The following TTLL6 variants were observed in gnomAD, a reference collection of about 807,000 sequenced individuals.
TTLL6 encodes tubulin polyglutamylase TTLL6.
In TTLL6, 75 loss-of-function variants were observed where a neutral mutation model predicts 96.4. That is an observed-to-expected ratio of 0.78 (90% CI 0.65 to 0.94). TTLL6 has a LOEUF of 0.94. Ranked by LOEUF, TTLL6 falls within the 40% of genes least tolerant of loss-of-function variation. The pLI, the probability that TTLL6 is intolerant of heterozygous loss-of-function variation, is 0.00. For missense variants in TTLL6, 1,030 were observed against 1,093.0 expected (o/e 0.94, Z 0.81); for synonymous variants, 411 against 419.4 (o/e 0.98, Z 0.24).
rs1467137363 is a variant in TTLL6 at position 48,796,062 on chromosome 17, T to G, written c.997A>C (p.Arg333=). 2.6e-6 allele frequency: 4 copies of G among 1,550,854 alleles called. No homozygotes were observed. The highest frequency in any genetic ancestry group is 3.5e-6 in the Non-Finnish European group (4 of 1,146,480). ...AGAAAAATGAAGCCTCTTCCTTACC[T>G]CTTACTGCCAGAGTGTGCATCTCGA... is the stretch of plus-strand genomic sequence containing the variant. The part of the protein sequence containing the change: ...FSRDAHSGSK[R]KLSTFSAYLE... Residue 333 remains arginine, a splice_region_variant and synonymous_variant, in exon 8 of 16, where the codon AGG becomes CGG. Coordinates refer to ENST00000393382, the MANE Select transcript of TTLL6 (RefSeq NM_001130918.3).
intron 13 of TTLL6, among the ~76,000 whole-genome samples, chr17:48,781,698 C>G (rs1567720767): frequency 6.6e-6 from 1 of 152,102 alleles, no homozygotes; most frequent in East Asian, 1.9e-4. Flanking sequence ...GATATTAAGC[C>G]TGCTATGGTG....
chr17:48,772,013 T>C (rs1386309871), intron 13 of TTLL6, among the ~76,000 whole-genome samples: 1 of 152,022 alleles, frequency 6.6e-6, no homozygotes, highest in African/African-American at 2.4e-5. Flanking sequence ...TGGCAGAGGT[T>C]GCAGTGAGCT....
In TTLL6 at chr17:48,769,181, G is replaced by A. The variant is rs375337417; in HGVS notation, c.2484C>T (p.Ser828=). Residue 828 remains serine (S), a synonymous_variant, in exon 15 of 16, where the codon TCC becomes TCT. Transcript: ENST00000393382. Reference sequence around the variant, plus strand: ...TCTGAGGACTCTGCAAGAGGAGGGAGGACACATCCAGCTGCCTCTTCTCGC... The same window carrying A: ...TCTGAGGACTCTGCAAGAGGAGGGAAGACACATCCAGCTGCCTCTTCTCGC... ...SSGEKRQLDV[S]SLLLQSPQSY... The A allele has an allele frequency of 1.1e-5, 17 of 1,614,038 alleles. No homozygotes were observed. The highest frequency in any genetic ancestry group is 9.3e-5 in the African/African-American group (7 of 75,060).
At chr17:48,789,335 C>A (rs985014745) in intron 10 of TTLL6, among the ~76,000 whole-genome samples, 2 of 152,088 alleles carry the variant, frequency 1.3e-5, no homozygotes, top group South Asian at 2.1e-4. Context: ...TTAAAATGAC[C>A]CCCTCCAACT....
chr17:48,794,105 T>A, intron 8 of TTLL6: 3 of 1,524,726 alleles, frequency 2.0e-6, no homozygotes, highest in South Asian at 1.2e-5. Flanking sequence ...CAGGAGAGAG[T>A]GGATGGAGAA....
intron 8 of TTLL6, chr17:48,794,068 G>T: frequency 7.3e-7 from 1 of 1,367,574 alleles, no homozygotes. Context: ...AAGGGCAGGC[G>T]GAGGCCACGG....
chr17:48,777,947 G>A (rs578188113), intron 13 of TTLL6, among the ~76,000 whole-genome samples: 1 of 151,758 alleles, frequency 6.6e-6, no homozygotes, highest in East Asian at 2.0e-4. Flanking sequence ...TTTGTGACCT[G>A]AGGTACATGA....
Position 48,786,165 on chromosome 17 carries a change from T to C in TTLL6, c.1760A>G (p.Gln587Arg). Reference sequence around the variant, plus strand: ...GTGTTCCCCTCAATCCAGGTTTACCTGTTTGGAGGCTTGGGTGGCGGCCTT... The same window carrying C: ...GTGTTCCCCTCAATCCAGGTTTACCCGTTTGGAGGCTTGGGTGGCGGCCTT... ...KDKAATQASK[Q>R]YIQPLTLVSY... Residue 587 changes from glutamine (Q) to arginine (R), a missense_variant and splice_region_variant, in exon 12 of 16, where the codon CAG (glutamine) becomes CGG (arginine). Physicochemically the swap from Gln to Arg is conservative, Grantham distance 43 (BLOSUM62 1). Transcript: ENST00000393382. 6.2e-7 allele frequency: 1 copy of C among 1,614,220 alleles called. No homozygotes were observed. The highest frequency in any genetic ancestry group is 8.5e-7 in the Non-Finnish European group (1 of 1,180,036).
chr17:48,774,819 T>C (rs1352149157), intron 13 of TTLL6, among the ~76,000 whole-genome samples: 1 of 152,100 alleles, frequency 6.6e-6, no homozygotes, highest in African/African-American at 2.4e-5. Flanking sequence ...GAGAATTCTA[T>C]CCAAATATTT....
intron 1 of TTLL6, chr17:48,812,069 C>CT (rs68048866): frequency 1.0e-5 from 1 of 97,612 alleles, no homozygotes; most frequent in Non-Finnish European, 2.2e-5. Flanking sequence ...CTGGGACCCC[C>CT]CCCCCCACCC....
chr17:48,813,482 C>T (rs953739726), intron 1 of TTLL6, among the ~76,000 whole-genome samples: 6 of 152,098 alleles, frequency 3.9e-5, no homozygotes, highest in African/African-American at 7.2e-5. Flanking sequence ...TCACTTTAGC[C>T]CGGGAGGCTG....
At chr17:48,792,013 C>A (rs768083233) in intron 8 of TTLL6, among the ~76,000 whole-genome samples, 15 of 152,274 alleles carry the variant, frequency 9.9e-5, no homozygotes, top group Middle Eastern at 3.4e-3. Flanking sequence ...AACACTGATG[C>A]CTGGGTCCCA....
intron 15 of TTLL6, among the ~76,000 whole-genome samples, chr17:48,764,537 T>C (rs1391329010): frequency 6.6e-6 from 1 of 152,160 alleles, no homozygotes; most frequent in Non-Finnish European, 1.5e-5. Flanking sequence ...AAACCTGATG[T>C]GTGGAAGGTG....
rs772303380 is a variant in TTLL6 at position 48,784,909 on chromosome 17, G to A, written c.2040+14C>T. ...CTCCCACCACTCCCTCCCAGAGCTC[G>A]GCTCACTACTTACCACAGTGCCAGT... On this transcript the variant is annotated intron_variant, in intron 13 of 15. Transcript: ENST00000393382. 1.6e-5 allele frequency: 25 copies of A among 1,607,972 alleles called. No individual in the cohort carries two copies. The highest frequency in any genetic ancestry group is 2.7e-5 in the African/African-American group (2 of 74,786).
In TTLL6 at chr17:48,787,983, C is replaced by A. The variant is rs750652208; in HGVS notation, c.1417G>T (p.Gly473Cys). Residue 473 changes from glycine (G) to cysteine (C), a missense_variant, in exon 11 of 16, where the codon GGT (glycine) becomes TGT (cysteine). Coordinates refer to ENST00000393382, the MANE Select transcript of TTLL6 (RefSeq NM_001130918.3). The stretch of plus-strand genomic sequence containing the variant: ...TTCTTTAACTGCACGGCCCGGAAAC[C>A]CTTGGCTTCCTCAATCCTGTTGGGA... The part of the protein sequence containing the change: ...SREMRIEEAK[G>C]FRAVQLKKTE... The A allele has an allele frequency of 6.2e-7, 1 of 1,613,868 alleles. No homozygotes were observed. The highest frequency in any genetic ancestry group is 8.5e-7 in the Non-Finnish European group (1 of 1,179,928).
chr17:48,816,873 G>A (rs966468080), intron 1 of TTLL6, 97 bp downstream of exon 1: 71 of 909,548 alleles, frequency 7.8e-5, no homozygotes, highest in Non-Finnish European at 9.4e-5. Context: ...CCTGGGTCCC[G>A]TGTGGGTTTA....
rs2039332557 is a variant in TTLL6 at position 48,797,207 on chromosome 17, G to T, written c.769-3C>A. On this transcript the variant is annotated splice_region_variant and splice_polypyrimidine_tract_variant and intron_variant, in intron 6 of 15. Coordinates refer to ENST00000393382, the MANE Select transcript of TTLL6 (RefSeq NM_001130918.3). ...TTAAACCCATCAATGATAAAGGGCT[G>T]GAAGGAGAGAACAGAAGTCAGACAT... 6.5e-7 allele frequency: 1 copy of T among 1,547,128 alleles called. No homozygotes were observed. Among genetic ancestry groups the T allele is most frequent in the Non-Finnish European group, 8.7e-7 (1 of 1,144,212 alleles).
At chr17:48,772,354 G>T (rs921570476) in intron 13 of TTLL6, among the ~76,000 whole-genome samples, 10 of 151,970 alleles carry the variant, frequency 6.6e-5, no homozygotes, top group Non-Finnish European at 1.3e-4. Flanking sequence ...TAAAAATAAA[G>T]AAATAAAATA....
At chr17:48,804,395 C>T (rs2039472797) in intron 2 of TTLL6, 2 of 488,792 alleles carry the variant, frequency 4.1e-6, no homozygotes, top group South Asian at 3.1e-5. Flanking sequence ...CTGGAATGCA[C>T]AAGCTGCAGT....
Sources: allele counts gnomAD v4.1 joint callset (sites outside exome capture counted in the v4.1 genomes callset), GRCh38; gene constraint gnomAD v4.1.1; transcripts MANE v1.5; gene names NCBI Gene and HGNC (gene_info 2026-07-23, HGNC 2026-07-21).